GABRG3: variants seen among roughly 807,000 people sequenced by gnomAD.
GABRG3 encodes the protein gamma-aminobutyric acid receptor subunit gamma-3.
A neutral mutation model predicts 48.8 loss-of-function variants in GABRG3; 25 were observed. The observed-to-expected ratio is 0.51, with a 90% CI of 0.37 to 0.72. The LOEUF (loss-of-function observed/expected upper bound fraction) is 0.72, where lower values mean the gene tolerates loss of function less well. Among genes scored for constraint, GABRG3 ranks in the 30% least tolerant of loss-of-function variants. The pLI is 0.00. For missense variants in GABRG3, 394 were observed against 577.9 expected (o/e 0.68, Z 3.26); for synonymous variants, 227 against 217.6 (o/e 1.04, Z -0.38).
rs35801181 is a variant in GABRG3, at chr15:27,214,535, TA to T, written c.271-112266del. On this transcript the variant is annotated intron_variant, in intron 3 of 9. Coordinates refer to ENST00000615808, the MANE Select transcript of GABRG3 (RefSeq NM_033223.5). ...GAAGAAAAAAGCTGAATCTTGTTAT[TA>T]AAAAAAATTCTGTATACTTTCTATA... is the stretch of plus-strand genomic sequence containing the variant. Among the ~76,000 whole-genome samples, 373 of 151,990 alleles carry T rather than the reference TA, an allele frequency of 2.5e-3. 1 individual carries two copies. The highest frequency in any genetic ancestry group is 8.4e-3 in the African/African-American group (347 of 41,440).
chr15:27,306,432 T>C (rs1291057748), intron 3 of GABRG3, among the ~76,000 whole-genome samples: 1 of 138,176 alleles, frequency 7.2e-6, no homozygotes, highest in Non-Finnish European at 1.5e-5. Flanking sequence ...TGTAAACATA[T>C]AATACGAACA....
intron 3 of GABRG3, among the ~76,000 whole-genome samples, chr15:27,055,633 G>A (rs540815304): frequency 6.6e-6 from 1 of 152,286 alleles, no homozygotes; most frequent in South Asian, 2.1e-4. Flanking sequence ...CATAAGGTGT[G>A]TATGAAACAT....
chr15:27,313,452 G>C lies in GABRG3; in HGVS notation c.271-13357G>C, dbSNP rs117574049. On this transcript the variant is annotated intron_variant, in intron 3 of 9. Transcript: ENST00000615808. Reference sequence around the variant, plus strand: ...CCAACCAGACAGAAAATCAACAAAGGAATAATAGACTTAAACACTATAAAT... The same window carrying C: ...CCAACCAGACAGAAAATCAACAAAGCAATAATAGACTTAAACACTATAAAT... Among the ~76,000 whole-genome samples the C allele has an allele frequency of 5.4e-3, 811 of 150,164 alleles. 4 individuals carry two copies. The highest frequency in any genetic ancestry group is 8.5e-3 in the Non-Finnish European group (574 of 67,542).
In GABRG3 at chr15:27,288,323, A is replaced by G. The variant is rs145905462; in HGVS notation, c.271-38486A>G. ...TGTGTACTTTATTTCTATTATTGTTATATTGTAATATATAATGAAATAATT... is the reference window on the plus strand; with the variant it reads ...TGTGTACTTTATTTCTATTATTGTTGTATTGTAATATATAATGAAATAATT... On this transcript the variant is annotated intron_variant, in intron 3 of 9. Coordinates refer to ENST00000615808, the MANE Select transcript of GABRG3 (RefSeq NM_033223.5). Among the ~76,000 whole-genome samples, 249 of 152,164 alleles carry G rather than the reference A, an allele frequency of 1.6e-3. 1 individual carries two copies. The highest frequency in any genetic ancestry group is 5.3e-3 in the African/African-American group (219 of 41,510).
At chr15:27,220,846 G>C (rs536155722) in intron 3 of GABRG3, among the ~76,000 whole-genome samples, 3 of 152,060 alleles carry the variant, frequency 2.0e-5, no homozygotes, top group Non-Finnish European at 4.4e-5. Flanking sequence ...GGGTGGCAGG[G>C]CCCTAAGGGG....
chr15:27,174,583 C>CTCT (rs1566954767), intron 3 of GABRG3, among the ~76,000 whole-genome samples: 13 of 121,862 alleles, frequency 1.1e-4, no homozygotes, highest in African/African-American at 4.7e-4. Context: ...CTCTCTCTCT[C>CTCT]GTCTCTCTCT....
At chr15:27,082,914 C>T (rs1295478555) in intron 3 of GABRG3, among the ~76,000 whole-genome samples, 1 of 152,172 alleles carries the variant, frequency 6.6e-6, no homozygotes, top group African/African-American at 2.4e-5. Context: ...AGGTGAGCCT[C>T]CCCGAACTCC....
chr15:26,983,284 G>A (rs79847338), intron 2 of GABRG3, among the ~76,000 whole-genome samples: 5,357 of 151,960 alleles, frequency 0.035, 182 homozygotes, highest in East Asian at 0.18. Flanking sequence ...TTGTGGGAGA[G>A]GCCAGCTCAT....
At chr15:27,256,184 T>C (rs1367094098) in intron 3 of GABRG3, among the ~76,000 whole-genome samples, 1 of 152,068 alleles carries the variant, frequency 6.6e-6, no homozygotes, top group Non-Finnish European at 1.5e-5. Context: ...GGCTCATGCC[T>C]GTAATCCCAG....
At chr15:27,063,065 C>T (rs1248478588) in intron 3 of GABRG3, among the ~76,000 whole-genome samples, 1 of 152,174 alleles carries the variant, frequency 6.6e-6, no homozygotes, top group Non-Finnish European at 1.5e-5. Flanking sequence ...CGTTTTCCCC[C>T]CCAATGAGGA....
chr15:27,013,814 T>C (rs1225278264), intron 2 of GABRG3, among the ~76,000 whole-genome samples: 2 of 152,106 alleles, frequency 1.3e-5, no homozygotes, highest in Non-Finnish European at 2.9e-5. Context: ...TTTCTTTTTT[T>C]TCCCCCAGGA....
chr15:26,987,190 G>A (rs960239307), intron 2 of GABRG3, among the ~76,000 whole-genome samples: 4 of 150,650 alleles, frequency 2.7e-5, no homozygotes, highest in African/African-American at 4.9e-5. Flanking sequence ...CCCGGGAGGC[G>A]GAGCTTGCAG....
chr15:27,307,063 G>GTTTATATATAAACATA lies in GABRG3; in HGVS notation c.271-19745_271-19744insTTATATATAAACATAT, dbSNP rs1408791948. Among the ~76,000 whole-genome samples, 174 of 84,182 alleles carry GTTTATATATAAACATA rather than the reference G, an allele frequency of 2.1e-3. 9 individuals are homozygous for GTTTATATATAAACATA. The highest frequency in any genetic ancestry group is 8.0e-3 in the African/African-American group (144 of 17,918). 55.2% of individuals were successfully genotyped at this position (84,182 alleles called of 152,430 possible). A position where few individuals can be genotyped will look rare whatever the true frequency, so the allele number is the denominator to read the frequency against. ...AATAAACATGTTTATATATAAACAT[G>GTTTATATATAAACATA]TATAATATAAACATGTTTATATATA... is the stretch of plus-strand genomic sequence containing the variant. On this transcript the variant is annotated intron_variant, in intron 3 of 9. Transcript: ENST00000615808.
intron 3 of GABRG3, among the ~76,000 whole-genome samples, chr15:27,307,229 ATAT>A (rs1457041639): frequency 1.6e-5 from 2 of 126,686 alleles, no homozygotes; most frequent in Non-Finnish European, 3.5e-5. Flanking sequence ...AACCATGTTT[ATAT>A]TATATGTTTA....
chr15:27,298,976 A>G (rs1028319689), intron 3 of GABRG3, among the ~76,000 whole-genome samples: 1 of 152,208 alleles, frequency 6.6e-6, no homozygotes, highest in African/African-American at 2.4e-5. Flanking sequence ...CTTCATTTTT[A>G]TCTCCCATTG....
In GABRG3 at chr15:27,428,699, C is replaced by T. The variant is rs538144479; in HGVS notation, c.575-51951C>T. Among the ~76,000 whole-genome samples, 122 of 152,266 alleles carry T rather than the reference C, an allele frequency of 8.0e-4. 1 individual carries two copies. Among genetic ancestry groups the T allele is most frequent in the Admixed American group, 1.4e-3 (22 of 15,298 alleles). ...CCACCAGACAAAAATGAAGCAGAGA[C>T]AAACTTAATGGGGGGAAGTCTTCCT... is the stretch of plus-strand genomic sequence containing the variant. On this transcript the variant is annotated intron_variant, in intron 5 of 9. Coordinates refer to ENST00000615808, the MANE Select transcript of GABRG3 (RefSeq NM_033223.5).
intron 3 of GABRG3, among the ~76,000 whole-genome samples, chr15:27,223,502 T>G (rs2140442262): frequency 6.6e-6 from 1 of 152,028 alleles, no homozygotes; most frequent in Non-Finnish European, 1.5e-5. Flanking sequence ...AACTCATAAA[T>G]ATTTATGTGG....
chr15:27,156,378 A>G (rs1308340638), intron 3 of GABRG3, among the ~76,000 whole-genome samples: 1 of 151,542 alleles, frequency 6.6e-6, no homozygotes, highest in Non-Finnish European at 1.5e-5. Context: ...TCCTTTAACT[A>G]GAGAGAGCTG....
chr15:27,108,833 A>T (rs1331859806), intron 3 of GABRG3, among the ~76,000 whole-genome samples: 1 of 152,068 alleles, frequency 6.6e-6, no homozygotes, highest in Non-Finnish European at 1.5e-5. Flanking sequence ...GATCCTCCTC[A>T]TTTCTAATAA....
Sources: allele counts gnomAD v4.1 joint callset (sites outside exome capture counted in the v4.1 genomes callset), GRCh38; gene constraint gnomAD v4.1.1; transcripts MANE v1.5; gene names NCBI Gene and HGNC (gene_info 2026-07-23, HGNC 2026-07-21).